Variants in CHD1 observed in about 807,000 individuals in gnomAD.
The protein encoded by CHD1 is ATP-dependent chromatin remodeler CHD1.
A neutral mutation model predicts 224.2 loss-of-function variants in CHD1; 36 were observed. The ratio of observed to expected loss-of-function variants is 0.16; its 90% CI spans 0.12 to 0.21. The LOEUF is 0.21. CHD1 is among the 10% of genes least tolerant of loss of function. The probability of loss-of-function intolerance (pLI) is 1.00; values close to 1 mark genes in which losing one functional copy is unlikely to be tolerated. For synonymous variants in CHD1, 668 were observed against 658.3 expected (o/e 1.01, Z -0.23); for missense variants, 1,378 against 1,994.8 (o/e 0.69, Z 5.89).
chr5:98,875,993 T>G (rs903211309), intron 24 of CHD1, among the ~76,000 whole-genome samples: 1 of 152,080 alleles, frequency 6.6e-6, no homozygotes, highest in Non-Finnish European at 1.5e-5. Context: ...CAGGGTTACT[T>G]TCAAAAAGGA....
In CHD1 at chr5:98,872,484, T is replaced by A; in HGVS notation, c.3643A>T (p.Ile1215Phe). The change falls in exon 27 of 36, where the codon ATC becomes TTC. Residue 1215 changes from isoleucine to phenylalanine, a missense_variant. By Grantham distance (21) the Ile-to-Phe change is conservative. Transcript: ENST00000614616. ...SGVQVNAKLVISHEEELIPLH... is the reference protein window; with the variant it reads ...SGVQVNAKLVFSHEEELIPLH... ...GGTATTAATTCTTCTTCATGGGAGA[T>A]GACTAGTTTGGCATTCACCTGTACT... The A allele has an allele frequency of 6.2e-7, 1 of 1,613,468 alleles. No homozygotes were observed. The highest frequency in any genetic ancestry group is 8.5e-7 in the Non-Finnish European group (1 of 1,179,490).
intron 32 of CHD1, chr5:98,860,329 A>G (rs1748373875): frequency 5.2e-6 from 2 of 384,038 alleles, no homozygotes; most frequent in Admixed American, 8.3e-5. Context: ...AAGCAGTACA[A>G]TCCTAATTTG....
At position 98,872,524 on chromosome 5, in the gene CHD1, T is replaced by C. The variant is rs755588271; in HGVS notation, c.3603A>G (p.Thr1201=). The C allele has an allele frequency of 6.2e-7, 1 of 1,613,756 alleles. No individual in the cohort carries two copies. The highest frequency in any genetic ancestry group is 8.5e-7 in the Non-Finnish European group (1 of 1,179,884). ...GGRLGKVKGP[T]FRISGVQVNA... ...TCACCTGTACTCCTGATATTCGGAA[T>C]GTTGGACCCTTCACTTTTCCGAGTC... The change falls in exon 27 of 36, where the codon ACA becomes ACG. Residue 1201 remains threonine, a synonymous_variant. Transcript: ENST00000614616.
At chr5:98,867,477 T>C (rs1450342329) in intron 31 of CHD1, among the ~76,000 whole-genome samples, 1 of 152,212 alleles carries the variant, frequency 6.6e-6, no homozygotes, top group Non-Finnish European at 1.5e-5. Flanking sequence ...ATTCTTCTTG[T>C]ATTTTTTAAA....
Position 98,901,065 on chromosome 5 carries a change from C to G in CHD1, c.605G>C (p.Gly202Ala), listed in dbSNP as rs1355105385. ...KPQNRSKSKNGKKILGQKKRQ... is the reference protein window; with the variant it reads ...KPQNRSKSKNAKKILGQKKRQ... ...CTTTTTTTGTCCAAGAATCTTCTTT[C>G]CATTTTTTGACTTAGATCTAGGAAA... Residue 202 changes from glycine to alanine, a missense_variant, in exon 7 of 36, where the codon GGA becomes GCA. By Grantham distance (60) the Gly-to-Ala change is moderately conservative. Around this residue, in one of 16 missense-constraint regions of CHD1, gnomAD observed 306 missense variants for 298.1 expected, o/e 1.03. Coordinates refer to ENST00000614616, the MANE Select transcript of CHD1 (RefSeq NM_001270.4). 1.3e-6 allele frequency: 2 copies of G among 1,593,876 alleles called. No homozygotes were observed. The highest frequency in any genetic ancestry group is 1.7e-6 in the Non-Finnish European group (2 of 1,173,314).
chr5:98,884,655 G>A (rs1201255265), intron 18 of CHD1, among the ~76,000 whole-genome samples: 5 of 151,210 alleles, frequency 3.3e-5, no homozygotes, highest in Admixed American at 6.6e-5. Flanking sequence ...AAAAATCCAC[G>A]GAAATAAAAA....
chr5:98,885,425 T>A (rs1468106692), intron 18 of CHD1, among the ~76,000 whole-genome samples, 153 bp downstream of exon 18: 3 of 152,184 alleles, frequency 2.0e-5, no homozygotes, highest in Non-Finnish European at 2.9e-5. Context: ...ACTAGAATAG[T>A]GACTTTAAAA....
chr5:98,884,417 C>G (rs1750490985), intron 18 of CHD1, among the ~76,000 whole-genome samples: 1 of 152,022 alleles, frequency 6.6e-6, no homozygotes, highest in Non-Finnish European at 1.5e-5. Flanking sequence ...AATGGAAAAC[C>G]AAACATTGTA....
At chr5:98,866,468 G>A (rs1401462172) in intron 31 of CHD1, among the ~76,000 whole-genome samples, 2 of 152,160 alleles carry the variant, frequency 1.3e-5, no homozygotes, top group Non-Finnish European at 2.9e-5. Context: ...TGCAAAAGAA[G>A]AGAAAGTAGG....
chr5:98,859,902 G>C lies in CHD1; in HGVS notation c.4524+70C>G. 3.9e-6 allele frequency: 3 copies of C among 761,470 alleles called. No homozygotes were observed. The East Asian group carries it at 7.8e-5, about 20-fold the overall frequency. The allele number at this position is 761,470 out of a possible 1,614,324, so 47.2% of individuals were successfully genotyped here. On this transcript the variant is annotated intron_variant, in intron 33 of 35. Transcript: ENST00000614616. ...TCATTCTGTATTTATTAATCAAACT[G>C]CTCTGTAAAAAGAATGTCTCAAGGT... is the stretch of plus-strand genomic sequence containing the variant.
chr5:98,915,257 A>T (rs1752664001), intron 2 of CHD1, among the ~76,000 whole-genome samples: 1 of 152,242 alleles, frequency 6.6e-6, no homozygotes, highest in Admixed American at 6.5e-5. Context: ...TTAAGCACTG[A>T]CCAGCAAAAC....
chr5:98,926,003 A>G (rs773069298), intron 2 of CHD1, among the ~76,000 whole-genome samples: 3 of 152,018 alleles, frequency 2.0e-5, no homozygotes, highest in Non-Finnish European at 4.4e-5. Flanking sequence ...TTCATCTAGA[A>G]ATTTCACTAA....
chr5:98,900,478 C>T (rs1379234625), intron 7 of CHD1, among the ~76,000 whole-genome samples: 3 of 145,574 alleles, frequency 2.1e-5, no homozygotes, highest in Admixed American at 6.9e-5. Flanking sequence ...TTCGCTCTGT[C>T]ACCCAGGCTG....
At chr5:98,899,184 T>C (rs1751530898) in intron 8 of CHD1, among the ~76,000 whole-genome samples, 1 of 152,166 alleles carries the variant, frequency 6.6e-6, no homozygotes, top group South Asian at 2.1e-4. Flanking sequence ...AAATCATCTC[T>C]AGATGTTCTT....
intron 33 of CHD1, among the ~76,000 whole-genome samples, 184 bp downstream of exon 33, chr5:98,859,788 T>G (rs925979329): frequency 3.3e-5 from 5 of 152,128 alleles, no homozygotes; most frequent in Non-Finnish European, 7.4e-5. Context: ...CCTGTTTTCT[T>G]GCCCATTAAT....
Position 98,899,397 on chromosome 5 carries a change from T to C in CHD1, c.1085+83A>G, listed in dbSNP as rs536357056. Reference sequence around the variant, plus strand: ...ATAGCTATTTTAGGCTATCATTTAATGTTACTATGTATTCTTTATTAACAT... The same window carrying C: ...ATAGCTATTTTAGGCTATCATTTAACGTTACTATGTATTCTTTATTAACAT... On this transcript the variant is annotated intron_variant, in intron 8 of 35. Coordinates refer to ENST00000614616, the MANE Select transcript of CHD1 (RefSeq NM_001270.4). 8 of 859,076 alleles carry C rather than the reference T, an allele frequency of 9.3e-6. No individual in the cohort carries two copies. The East Asian group carries it at 1.6e-4, about 17-fold the overall frequency. 53.2% of individuals were successfully genotyped at this position (859,076 alleles called of 1,614,324 possible). A position where few individuals can be genotyped will look rare whatever the true frequency, so the allele number is the denominator to read the frequency against.
intron 30 of CHD1, chr5:98,869,185 C>A: frequency 1.0e-6 from 1 of 973,326 alleles, no homozygotes; most frequent in Non-Finnish European, 1.2e-6. Context: ...CTTCTGGTTC[C>A]TTCTTTATAT....
chr5:98,856,660 T>A lies in CHD1; in HGVS notation c.4853A>T (p.Asn1618Ile). The A allele has an allele frequency of 6.2e-7, 1 of 1,613,800 alleles. No individual in the cohort carries two copies. The highest frequency in any genetic ancestry group is 8.5e-7 in the Non-Finnish European group (1 of 1,179,794). The change falls in exon 36 of 36, where the codon AAT becomes ATT. Residue 1618 changes from asparagine to isoleucine, a missense_variant. Asn to Ile is a moderately radical substitution (Grantham distance 149). This residue lies in a region of CHD1 where 278 missense variants were observed against 298.5 expected (regional missense o/e 0.93). Coordinates refer to ENST00000614616, the MANE Select transcript of CHD1 (RefSeq NM_001270.4). ...TCTATCTTTTAAACTTCCTTCCAAATTTGACCTGTGATCTCTACTCCTGTG... is the reference window on the plus strand; with the variant it reads ...TCTATCTTTTAAACTTCCTTCCAAAATTGACCTGTGATCTCTACTCCTGTG... ...DDHRSRDHRS[N>I]LEGSLKDRSH...
intron 2 of CHD1, among the ~76,000 whole-genome samples, chr5:98,919,542 C>A (rs1248655710): frequency 6.6e-6 from 1 of 152,008 alleles, no homozygotes; most frequent in Non-Finnish European, 1.5e-5. Flanking sequence ...AAAGTATATC[C>A]TAAAAATTCT....
Sources: allele counts gnomAD v4.1 joint callset (sites outside exome capture counted in the v4.1 genomes callset), GRCh38; gene constraint gnomAD v4.1.1; regional missense constraint gnomAD v4.1.1; transcripts MANE v1.5; gene names NCBI Gene and HGNC (gene_info 2026-07-23, HGNC 2026-07-21).